Variants in STK33 observed in about 807,000 individuals in gnomAD.
STK33 encodes the protein serine/threonine-protein kinase 33.
A neutral mutation model predicts 58.0 loss-of-function variants in STK33; 52 were observed. The ratio of observed to expected loss-of-function variants is 0.90; its 90% confidence interval spans 0.72 to 1.13. The LOEUF (loss-of-function observed/expected upper bound fraction) is 1.13, where lower values mean the gene tolerates loss of function less well. STK33 is among the 50% of genes most tolerant of loss of function. STK33 has a pLI of 0.00. For synonymous variants in STK33, 215 were observed against 200.1 expected (o/e 1.07, Z -0.63); for missense variants, 630 against 604.2 (o/e 1.04, Z -0.45).
chr11:8,505,628 C>A (rs778955328), intron 1 of STK33, among the ~76,000 whole-genome samples: 1 of 152,206 alleles, frequency 6.6e-6, no homozygotes, highest in African/African-American at 2.4e-5. Context: ...TCCTACACAG[C>A]GTTAGTCACA....
chr11:8,421,287 C>A (rs1355825779), intron 14 of STK33, among the ~76,000 whole-genome samples: 1 of 152,100 alleles, frequency 6.6e-6, no homozygotes, highest in Non-Finnish European at 1.5e-5. Context: ...TACTATAAGT[C>A]CCTGATTCCT....
At chr11:8,589,109 G>A (rs560477606) in intron 1 of STK33, among the ~76,000 whole-genome samples, 30 of 152,092 alleles carry the variant, frequency 2.0e-4, no homozygotes, top group Non-Finnish European at 3.7e-4. Flanking sequence ...CAATTTGACA[G>A]TTCCTCAAAA....
At chr11:8,577,401 A>C (rs937073902) in intron 1 of STK33, among the ~76,000 whole-genome samples, 3 of 152,130 alleles carry the variant, frequency 2.0e-5, no homozygotes, top group African/African-American at 7.2e-5. Context: ...CTAAGTCTTA[A>C]CTCAAATTTC....
the STK33 span, among the ~76,000 whole-genome samples, chr11:8,340,831 T>C: frequency 6.6e-6 from 1 of 152,138 alleles, no homozygotes; most frequent in African/African-American, 2.4e-5. Flanking sequence ...AGGTCAAACT[T>C]TGAGGGGCCT....
intron 15 of STK33, among the ~76,000 whole-genome samples, chr11:8,407,014 G>C (rs1265757388): frequency 6.6e-6 from 1 of 150,768 alleles, no homozygotes; most frequent in Non-Finnish European, 1.5e-5. Context: ...TTATGTAAAA[G>C]AAGTTCCCTT....
At chr11:8,572,402 G>C (rs943655206) in intron 1 of STK33, among the ~76,000 whole-genome samples, 4 of 152,106 alleles carry the variant, frequency 2.6e-5, no homozygotes, top group African/African-American at 9.7e-5. Context: ...ACTATTTAAA[G>C]AAGTCACCTA....
chr11:8,574,662 A>G (rs1042921197), intron 1 of STK33, among the ~76,000 whole-genome samples: 1 of 152,154 alleles, frequency 6.6e-6, no homozygotes, highest in Non-Finnish European at 1.5e-5. Flanking sequence ...GCAAGTACAT[A>G]TAACTACAGA....
At chr11:8,592,758 G>C (rs559135828) in intron 1 of STK33, among the ~76,000 whole-genome samples, 2 of 152,274 alleles carry the variant, frequency 1.3e-5, no homozygotes, top group African/African-American at 4.8e-5. Context: ...GCCACATTAA[G>C]AGTTTTGTCT....
At chr11:8,389,089 G>A (rs918041279), downstream of STK33, among the ~76,000 whole-genome samples, 5 of 151,150 alleles carry the variant, frequency 3.3e-5, no homozygotes, top group South Asian at 1.1e-3. Context: ...AAACTTAAAT[G>A]CGGAAGCTGA....
chr11:8,417,324 T>A (rs566984963), intron 14 of STK33, among the ~76,000 whole-genome samples: 2 of 152,086 alleles, frequency 1.3e-5, no homozygotes, highest in East Asian at 3.8e-4. Context: ...ATCGAACAAC[T>A]AGAAAAATGA....
intron 1 of STK33, among the ~76,000 whole-genome samples, chr11:8,484,407 T>C (rs1950061353): frequency 6.6e-6 from 1 of 152,212 alleles, no homozygotes; most frequent in Non-Finnish European, 1.5e-5. Context: ...TTGTTCTACA[T>C]GGATTCTAAG....
chr11:8,452,725 C>T (rs1946426889), intron 11 of STK33, 97 bp downstream of exon 11: 2 of 1,059,136 alleles, frequency 1.9e-6, no homozygotes, highest in Admixed American at 3.6e-5. Flanking sequence ...GAGGTCAAGG[C>T]TGCAGTGAGC....
rs544960715 is a variant in STK33, at chr11:8,393,003, C to T, written c.1345-293G>A. On this transcript the variant is annotated intron_variant, in intron 15 of 15. Coordinates refer to ENST00000687296, the MANE Select transcript of STK33 (RefSeq NM_001352389.2). ...CTGGTAACATTTGTGCAGGGAAGTCCGCTTAGACATAATTGTACTCACTTC... is the reference window on the plus strand; with the variant it reads ...CTGGTAACATTTGTGCAGGGAAGTCTGCTTAGACATAATTGTACTCACTTC... Among the ~76,000 whole-genome samples, 37 of 152,280 alleles carry T rather than the reference C, an allele frequency of 2.4e-4. 1 individual carries two copies. The highest frequency in any genetic ancestry group is 8.2e-4 in the African/African-American group (34 of 41,570).
chr11:8,454,963 C>T (rs1156917633), intron 9 of STK33, 131 bp from the exon 10 acceptor site: 2 of 895,742 alleles, frequency 2.2e-6, no homozygotes, highest in Non-Finnish European at 3.0e-6. Context: ...ATAGTCTGTC[C>T]TGTTCTATTC....
intron 15 of STK33, among the ~76,000 whole-genome samples, chr11:8,398,040 C>CTCTGCAG (rs1564848731): frequency 9.9e-5 from 15 of 151,932 alleles, no homozygotes; most frequent in Non-Finnish European, 1.8e-4. Context: ...ACACTCTGCA[C>CTCTGCAG]GATATTATCC....
intron 1 of STK33, among the ~76,000 whole-genome samples, chr11:8,584,091 G>A (rs894083787): frequency 1.2e-4 from 18 of 145,164 alleles, no homozygotes; most frequent in African/African-American, 4.4e-4. Context: ...AATGATTTTA[G>A]GCTGAAAGGA....
At chr11:8,385,920 A>G in the STK33 span, among the ~76,000 whole-genome samples, 122 of 151,920 alleles carry the variant, frequency 8.0e-4, 1 homozygote, top group East Asian at 5.1e-3. Context: ...GACTACAGGC[A>G]CCCGCCACCA....
the STK33 span, among the ~76,000 whole-genome samples, chr11:8,381,369 G>A: frequency 1.3e-5 from 2 of 152,176 alleles, no homozygotes; most frequent in Admixed American, 1.3e-4. Context: ...TGTCAGCCGA[G>A]AGTCTCCTGG....
chr11:8,533,754 TTTTA>T (rs1954738583), intron 1 of STK33, among the ~76,000 whole-genome samples: 1 of 152,152 alleles, frequency 6.6e-6, no homozygotes, highest in Non-Finnish European at 1.5e-5. Context: ...TAAAATAAAG[TTTTA>T]TTTGTTACAT....
Sources: allele counts gnomAD v4.1 joint callset (sites outside exome capture counted in the v4.1 genomes callset), GRCh38; gene constraint gnomAD v4.1.1; transcripts MANE v1.5; gene names NCBI Gene and HGNC (gene_info 2026-07-23, HGNC 2026-07-21).